Variants in LPIN2 observed in about 807,000 individuals in gnomAD.
LPIN2 encodes the protein phosphatidate phosphatase LPIN2.
In LPIN2, 55 loss-of-function variants were observed where a neutral mutation model predicts 111.4. The ratio of observed to expected loss-of-function variants is 0.49; its 90% confidence interval spans 0.40 to 0.62. The LOEUF is 0.62. Among genes scored for constraint, LPIN2 ranks in the 20% least tolerant of loss-of-function variants. The pLI is 0.00. For missense variants in LPIN2, 992 were observed against 1,112.1 expected (o/e 0.89, Z 1.54); for synonymous variants, 425 against 414.0 (o/e 1.03, Z -0.32).
At chr18:3,005,358 A>AAAAAAG (rs745590942) in intron 1 of LPIN2, among the ~76,000 whole-genome samples, 2 of 151,934 alleles carry the variant, frequency 1.3e-5, no homozygotes, top group South Asian at 4.1e-4. Context: ...TCTCAAAAAA[A>AAAAAAG]AAAAAGAAAA....
chr18:2,937,586 G>C (rs546509999), intron 7 of LPIN2, 106 bp downstream of exon 7: 2 of 712,862 alleles, frequency 2.8e-6, no homozygotes, highest in African/African-American at 1.8e-5. Flanking sequence ...GACGGGTTTC[G>C]ACTGGTGAAT....
chr18:2,930,742 A>T (rs915263514), intron 9 of LPIN2, among the ~76,000 whole-genome samples: 1 of 152,254 alleles, frequency 6.6e-6, no homozygotes, highest in African/African-American at 2.4e-5. Flanking sequence ...CTCCCTCCTG[A>T]TTCCTGAGCA....
chr18:2,951,253 G>A lies in LPIN2; in HGVS notation c.392C>T (p.Pro131Leu). 11 of 1,613,988 alleles carry A rather than the reference G, an allele frequency of 6.8e-6. No individual in the cohort carries two copies. Among genetic ancestry groups the A allele is most frequent in the Non-Finnish European group, 9.3e-6 (11 of 1,180,000 alleles). ...GTGTGAGATGTCTGAACTCTGAGATGGTGTTTCATCTCCACCCGATTTCAC... is the reference window on the plus strand; with the variant it reads ...GTGTGAGATGTCTGAACTCTGAGATAGTGTTTCATCTCCACCCGATTTCAC... ...PLVKSGGDETPSQSSDISHVL... is the reference protein window; with the variant it reads ...PLVKSGGDETLSQSSDISHVL... Residue 131 changes from proline to leucine, a missense_variant, in exon 4 of 20, where the codon CCA (proline) becomes CTA (leucine). By Grantham distance (98) the Pro-to-Leu change is moderately conservative (BLOSUM62 -3). Around this residue, in one of 4 missense-constraint regions of LPIN2, gnomAD observed 709 missense variants for 753.2 expected, o/e 0.94. Coordinates refer to ENST00000677752, the MANE Select transcript of LPIN2 (RefSeq NM_001375808.2).
At chr18:2,957,640 C>CT (rs557091265) in intron 2 of LPIN2, among the ~76,000 whole-genome samples, 4 of 152,230 alleles carry the variant, frequency 2.6e-5, no homozygotes, top group African/African-American at 9.6e-5. Flanking sequence ...CTGTAGGAAG[C>CT]TCTCTCTCCA....
intron 5 of LPIN2, 141 bp downstream of exon 5, chr18:2,940,464 C>A: frequency 3.3e-6 from 2 of 612,840 alleles, no homozygotes; most frequent in South Asian, 4.0e-5. Flanking sequence ...AGAAAAGATT[C>A]ATATTTATGT....
At chr18:2,981,927 TTTA>T (rs1263489371) in intron 1 of LPIN2, among the ~76,000 whole-genome samples, 1 of 152,214 alleles carries the variant, frequency 6.6e-6, no homozygotes, top group Non-Finnish European at 1.5e-5. Context: ...CATCCTTAAT[TTTA>T]AAAAATAACC....
Position 2,917,368 on chromosome 18 carries a change from C to T in LPIN2, c.*2925G>A, listed in dbSNP as rs779182414. The T allele has an allele frequency of 3.3e-5, 5 of 152,156 alleles. No homozygotes were observed. The highest frequency in any genetic ancestry group is 6.5e-5 in the Admixed American group (1 of 15,282). The allele number at this position is 152,156 out of a possible 1,614,324, so 9.4% of individuals were successfully genotyped here. A position where few individuals can be genotyped will look rare whatever the true frequency, so the allele number is the denominator to read the frequency against. On this transcript the variant is annotated 3_prime_UTR_variant, in exon 20 of 20. Transcript: ENST00000677752. ...AACACGGGAAAACATCGAAATTCCC[C>T]GGAAGTCTGTTTTTGCCAACTTGTA... is the stretch of plus-strand genomic sequence containing the variant.
intron 1 of LPIN2, among the ~76,000 whole-genome samples, chr18:2,992,944 C>T (rs2078286575): frequency 1.4e-5 from 2 of 146,708 alleles, no homozygotes; most frequent in African/African-American, 5.1e-5. Context: ...TGAGATAGCA[C>T]CACTGCACTC....
rs540543772 is a variant in LPIN2, at chr18:3,000,979, A to AGAGG, written c.-10+12104_-10+12107dup. Among the ~76,000 whole-genome samples, 901 of 124,328 alleles carry AGAGG rather than the reference A, an allele frequency of 7.2e-3. 8 individuals are homozygous for AGAGG. The highest frequency in any genetic ancestry group is 0.025 in the African/African-American group (855 of 33,806). The allele number at this position is 124,328 out of a possible 152,430, so 81.6% of individuals were successfully genotyped here. A position where few individuals can be genotyped will look rare whatever the true frequency, so the allele number is the denominator to read the frequency against. On this transcript the variant is annotated intron_variant, in intron 1 of 19. Transcript: ENST00000677752. ...AGGAAAATGGGGAAAAAGAGGGGGG[A>AGAGG]GAGGGAGGGAGAGAGAGAGAAATTA...
chr18:2,927,955 C>A, intron 11 of LPIN2, 144 bp from the exon 12 acceptor site: 2 of 749,694 alleles, frequency 2.7e-6, no homozygotes, highest in Non-Finnish European at 4.8e-6. Context: ...ATTCCTCTAG[C>A]GTTTTTAACA....
chr18:2,977,547 G>A (rs1351458941), intron 1 of LPIN2, among the ~76,000 whole-genome samples: 6 of 152,166 alleles, frequency 3.9e-5, no homozygotes, highest in Admixed American at 3.9e-4. Context: ...GCTGTGGGCA[G>A]GAAAATACAA....
chr18:2,921,889 T>G (rs1278878691), intron 17 of LPIN2, among the ~76,000 whole-genome samples, 158 bp downstream of exon 17: 1 of 152,238 alleles, frequency 6.6e-6, no homozygotes, highest in East Asian at 1.9e-4. Flanking sequence ...ACATGGCAAG[T>G]GAGCAGTATG....
At chr18:2,928,126 G>A (rs946592315) in intron 11 of LPIN2, among the ~76,000 whole-genome samples, 1 of 152,146 alleles carries the variant, frequency 6.6e-6, no homozygotes, top group Non-Finnish European at 1.5e-5. Flanking sequence ...GACCAACTAG[G>A]CTGATGATGT....
At chr18:2,988,096 G>C (rs545183492) in intron 1 of LPIN2, among the ~76,000 whole-genome samples, 69 of 147,354 alleles carry the variant, frequency 4.7e-4, no homozygotes, top group Middle Eastern at 3.6e-3. Flanking sequence ...TTACTTATCT[G>C]TAGCCTTAAA....
Position 2,919,792 on chromosome 18 carries a change from A to G in LPIN2, c.*501T>C, listed in dbSNP as rs35176958. 0.059 allele frequency: 12,209 copies of G among 207,914 alleles called. 550 individuals are homozygous for G. Among genetic ancestry groups the G allele is most frequent in the Non-Finnish European group, 0.084 (8,469 of 100,634 alleles). 12.9% of individuals were successfully genotyped at this position (207,914 alleles called of 1,614,324 possible). A position where few individuals can be genotyped will look rare whatever the true frequency, so the allele number is the denominator to read the frequency against. ...CAGCTGACCCCTTCAGTGTAGCAGG[A>G]AATGAGGCGACCAGAGAAGAAACGT... On this transcript the variant is annotated 3_prime_UTR_variant, in exon 20 of 20. Coordinates refer to ENST00000677752, the MANE Select transcript of LPIN2 (RefSeq NM_001375808.2).
At chr18:3,012,771 G>C (rs1387228487) in intron 1 of LPIN2, among the ~76,000 whole-genome samples, 1 of 151,968 alleles carries the variant, frequency 6.6e-6, no homozygotes, top group African/African-American at 2.4e-5. Flanking sequence ...AACTGCGCGG[G>C]TTCAGAGTCC....
chr18:3,006,407 T>C (rs1037259806), intron 1 of LPIN2, among the ~76,000 whole-genome samples: 8 of 152,138 alleles, frequency 5.3e-5, no homozygotes, highest in African/African-American at 2.4e-5. Flanking sequence ...AGTCCTTTCT[T>C]ACAAAGCATT....
chr18:2,925,137 G>A lies in LPIN2; in HGVS notation c.1938+87C>T. The stretch of plus-strand genomic sequence containing the variant: ...TGCCGTGTGGCGTGTATGCAGCTGG[G>A]GACGTGTGGACAGAAGAGGATGTGC... On this transcript the variant is annotated intron_variant, in intron 14 of 19. Transcript: ENST00000677752. The surrounding 1 kb of genome is among the most constrained non-coding windows in gnomAD (Gnocchi z 4.1). The A allele has an allele frequency of 6.6e-7, 1 of 1,517,116 alleles. No individual in the cohort carries two copies. Among genetic ancestry groups the A allele is most frequent in the Non-Finnish European group, 9.1e-7 (1 of 1,096,994 alleles). The allele number at this position is 1,517,116 out of a possible 1,614,324, so 94.0% of individuals were successfully genotyped here. A position where few individuals can be genotyped will look rare whatever the true frequency, so the allele number is the denominator to read the frequency against.
At chr18:2,938,797 C>T (rs907836606) in intron 6 of LPIN2, among the ~76,000 whole-genome samples, 3 of 152,192 alleles carry the variant, frequency 2.0e-5, no homozygotes, top group Non-Finnish European at 4.4e-5. Flanking sequence ...AGAAATTTAT[C>T]TTCTCAGTTC....
Sources: gnomAD v4.1 joint callset for allele counts (sites outside exome capture counted in the v4.1 genomes callset) on GRCh38, gnomAD v4.1.1 for gene constraint, gnomAD v4.1.1 regional missense constraint, Gnocchi (gnomAD v3.1) non-coding constraint, MANE v1.5 for transcripts, NCBI Gene and HGNC (gene_info 2026-07-23, HGNC 2026-07-21) for gene names.